CLTCL1: variants seen among roughly 807,000 people sequenced by gnomAD.
CLTCL1 encodes clathrin heavy chain like 1.
CLTCL1 carries 159 observed loss-of-function variants against 190.0 expected under a neutral mutation model. The ratio of observed to expected loss-of-function variants is 0.84; its 90% CI spans 0.74 to 0.95. The LOEUF (loss-of-function observed/expected upper bound fraction) is 0.95. CLTCL1 is among the 40% of genes least tolerant of loss of function. The pLI, the probability that CLTCL1 is intolerant of heterozygous loss-of-function variation, is 0.00. For missense variants in CLTCL1, 1,878 were observed against 2,033.4 expected, an observed-to-expected ratio of 0.92 and a Z score of 1.47; for synonymous variants, 752 against 769.6, an observed-to-expected ratio of 0.98 and a Z score of 0.38.
intron 27 of CLTCL1, among the ~76,000 whole-genome samples, chr22:19,191,012 G>A (rs1195191924): frequency 6.6e-6 from 1 of 152,040 alleles, no homozygotes; most frequent in South Asian, 2.1e-4. Context: ...TCCTGACCTC[G>A]TGATCCGCCC....
intron 1 of CLTCL1, among the ~76,000 whole-genome samples, chr22:19,282,254 A>T (rs2087742323): frequency 6.6e-6 from 1 of 151,778 alleles, no homozygotes; most frequent in Non-Finnish European, 1.5e-5. Context: ...GCTTCAACCC[A>T]GGAGGCGGAG....
intron 9 of CLTCL1, 135 bp downstream of exon 9, chr22:19,233,031 A>C: frequency 1.1e-6 from 1 of 898,228 alleles, no homozygotes. Context: ...TTATGAATAA[A>C]GATCCTAACA....
rs534062422 is a variant in CLTCL1 at position 19,278,733 on chromosome 22, G to C, written c.43-2903C>G. Reference sequence around the variant, plus strand: ...TTCCTGGAGGACACAGATCAGATTAGTGGGGTTTTTGTTTTGCTTTGTTTT... The same window carrying C: ...TTCCTGGAGGACACAGATCAGATTACTGGGGTTTTTGTTTTGCTTTGTTTT... On this transcript the variant is annotated intron_variant, in intron 1 of 32. Transcript: ENST00000427926. Among the ~76,000 whole-genome samples the C allele has an allele frequency of 7.9e-5, 12 of 152,188 alleles. No individual in the cohort carries two copies. In the East Asian group the frequency reaches 2.3e-3, roughly 29 times the overall value.
chr22:19,229,506 G>A (rs1555957683), intron 11 of CLTCL1, among the ~76,000 whole-genome samples: 1 of 152,174 alleles, frequency 6.6e-6, no homozygotes. Context: ...TAGTGGTAAT[G>A]GCTGCATAGC....
chr22:19,188,160 G>C, intron 27 of CLTCL1, 69 bp from the exon 28 acceptor site: 3 of 1,394,546 alleles, frequency 2.2e-6, no homozygotes, highest in South Asian at 1.2e-5. Flanking sequence ...CAGGGGCACA[G>C]GTGGGCACGT....
chr22:19,200,392 C>T (rs1252197324), intron 23 of CLTCL1, among the ~76,000 whole-genome samples: 1 of 152,210 alleles, frequency 6.6e-6, no homozygotes, highest in African/African-American at 2.4e-5. Flanking sequence ...GTGATGCATA[C>T]ACCAGCACCC....
intron 2 of CLTCL1, chr22:19,258,431 C>A: frequency 2.4e-6 from 1 of 409,238 alleles, no homozygotes; most frequent in Non-Finnish European, 4.7e-6. Context: ...CAGTCCAGTC[C>A]TTGGAGATTG....
intron 22 of CLTCL1, among the ~76,000 whole-genome samples, chr22:19,207,251 A>G (rs1371227787): frequency 6.6e-6 from 1 of 152,060 alleles, no homozygotes; most frequent in Non-Finnish European, 1.5e-5. Context: ...TCCTGACCTC[A>G]GGTGATCCAC....
chr22:19,228,733 G>A (rs1233163882), intron 11 of CLTCL1, among the ~76,000 whole-genome samples: 3 of 152,120 alleles, frequency 2.0e-5, no homozygotes, highest in Middle Eastern at 3.2e-3. Context: ...ACTTAGTACC[G>A]TGGTGAACAG....
At chr22:19,258,023 T>C (rs1461520589) in intron 2 of CLTCL1, 8 of 515,198 alleles carry the variant, frequency 1.6e-5, no homozygotes, top group Middle Eastern at 5.2e-4. Context: ...TAGAGTCAAG[T>C]ATGAGACAGA....
chr22:19,253,818 G>A (rs541048839), intron 3 of CLTCL1, 141 bp downstream of exon 3: 109 of 967,994 alleles, frequency 1.1e-4, no homozygotes, highest in Middle Eastern at 9.5e-4. Flanking sequence ...CTCCCGCCTC[G>A]GCCTCCCAAA....
Position 19,209,099 on chromosome 22 carries a change from T to C in CLTCL1, c.3265A>G (p.Ile1089Val). Residue 1089 changes from isoleucine (I) to valine (V), a missense_variant, in exon 21 of 33, where the codon ATT becomes GTT. Transcript: ENST00000427926. ...TCATATGCCCGGTCCAGGTTTCCAA[T>C]GTGCTCGATCAGGACCTAGGGGTTA... is the stretch of plus-strand genomic sequence containing the variant. The part of the protein sequence containing the change: ...ASAIQVLIEH[I>V]GNLDRAYEFA... The C allele has an allele frequency of 1.2e-6, 2 of 1,604,746 alleles. No homozygotes were observed. Among genetic ancestry groups the C allele is most frequent in the Non-Finnish European group, 1.7e-6 (2 of 1,175,210 alleles).
At chr22:19,194,084 C>A (rs1555934082) in intron 26 of CLTCL1, among the ~76,000 whole-genome samples, 1 of 152,134 alleles carries the variant, frequency 6.6e-6, no homozygotes, top group Non-Finnish European at 1.5e-5. Context: ...TGCTGATTGG[C>A]CCATTTTACA....
chr22:19,282,328 CAA>C (rs1167712206), intron 1 of CLTCL1, among the ~76,000 whole-genome samples: 6 of 133,086 alleles, frequency 4.5e-5, no homozygotes, highest in Non-Finnish European at 3.2e-5. Flanking sequence ...GACTCCGTCT[CAA>C]AAAAAAAAAA....
intron 26 of CLTCL1, among the ~76,000 whole-genome samples, chr22:19,195,281 G>A (rs1215761318): frequency 2.0e-5 from 3 of 152,082 alleles, no homozygotes; most frequent in Non-Finnish European, 4.4e-5. Flanking sequence ...AGGGTGGGAC[G>A]CCCCATCAAA....
chr22:19,202,624 A>G (rs1413559609), intron 22 of CLTCL1, among the ~76,000 whole-genome samples: 1 of 135,736 alleles, frequency 7.4e-6, no homozygotes, highest in Non-Finnish European at 1.6e-5. Flanking sequence ...CTACTGCACT[A>G]CCCTACTTCC....
At chr22:19,232,109 C>T (rs529126445) in intron 10 of CLTCL1, among the ~76,000 whole-genome samples, 30 of 152,162 alleles carry the variant, frequency 2.0e-4, no homozygotes, top group African/African-American at 7.0e-4. Context: ...ATCTGGGGGA[C>T]GCAACAGCAC....
At chr22:19,202,503 C>G in intron 22 of CLTCL1, among the ~76,000 whole-genome samples, 1 of 141,974 alleles carries the variant, frequency 7.0e-6, no homozygotes, top group African/African-American at 2.7e-5. Context: ...CGCACCACCC[C>G]TCCTTCCGCC....
rs782428780 is a variant in CLTCL1 at position 19,226,205 on chromosome 22, G to A, written c.1947+14C>T. 1 of 1,612,530 alleles carries A rather than the reference G, an allele frequency of 6.2e-7. No homozygotes were observed. Among genetic ancestry groups the A allele is most frequent in the East Asian group, 2.2e-5 (1 of 44,864 alleles). ...ACAACAGCCATAATAGGAGTGCCCAGGGGTACACAGTACCTCGGGATTGAG... is the reference window on the plus strand; with the variant it reads ...ACAACAGCCATAATAGGAGTGCCCAAGGGTACACAGTACCTCGGGATTGAG... On this transcript the variant is annotated intron_variant, in intron 12 of 32. Transcript: ENST00000427926.
Sources: gnomAD v4.1 joint callset for allele counts (sites outside exome capture counted in the v4.1 genomes callset) on GRCh38, gnomAD v4.1.1 for gene constraint, MANE v1.5 for transcripts, NCBI Gene and HGNC (gene_info 2026-07-23, HGNC 2026-07-21) for gene names.